Variants in C7orf78 observed in about 807,000 individuals in gnomAD.
The protein encoded by C7orf78 is chromosome 7 open reading frame 78.
chr7:12,538,416 G>A, the C7orf78 span: 4 of 152,154 alleles, frequency 2.6e-5, no homozygotes, highest in Admixed American at 2.6e-4. Context: ...AGGTGTTGGT[G>A]TCCAGAGGAG....
the C7orf78 span, among the ~76,000 whole-genome samples, chr7:12,529,270 T>C: frequency 6.6e-6 from 1 of 152,226 alleles, no homozygotes; most frequent in East Asian, 1.9e-4. Flanking sequence ...AATAAGTGTA[T>C]TCCAGTGGGA....
the C7orf78 span, among the ~76,000 whole-genome samples, chr7:12,527,699 T>C: frequency 3.5e-5 from 5 of 142,286 alleles, no homozygotes; most frequent in Admixed American, 1.4e-4. Context: ...GAAAATGCCA[T>C]CTAGCTGTGT....
the C7orf78 span, among the ~76,000 whole-genome samples, chr7:12,501,172 A>G: frequency 7.4e-6 from 1 of 134,730 alleles, no homozygotes; most frequent in Non-Finnish European, 1.6e-5. Flanking sequence ...AACTGGCACA[A>G]GACAGGGATG....
At chr7:12,488,608 C>G in the C7orf78 span, among the ~76,000 whole-genome samples, 1 of 151,910 alleles carries the variant, frequency 6.6e-6, no homozygotes, top group African/African-American at 2.4e-5. Flanking sequence ...TAGCCAACAG[C>G]CCATATGGCC....
the C7orf78 span, among the ~76,000 whole-genome samples, chr7:12,533,767 C>T: frequency 5.3e-5 from 8 of 152,202 alleles, no homozygotes; most frequent in South Asian, 2.1e-4. Flanking sequence ...CCACCTGTCT[C>T]GGCCTCCCAA....
the C7orf78 span, among the ~76,000 whole-genome samples, chr7:12,487,443 C>T: frequency 1.3e-5 from 2 of 152,056 alleles, no homozygotes; most frequent in South Asian, 2.1e-4. Context: ...CAGTGCCTGG[C>T]GTCTGATCTC....
the C7orf78 span, among the ~76,000 whole-genome samples, chr7:12,492,613 C>T: frequency 6.6e-6 from 1 of 152,176 alleles, no homozygotes; most frequent in Non-Finnish European, 1.5e-5. Context: ...TTTTTCAACT[C>T]TCAGGAGTAC....
chr7:12,539,680 A>T, the C7orf78 span, among the ~76,000 whole-genome samples: 60 of 152,294 alleles, frequency 3.9e-4, no homozygotes, highest in Non-Finnish European at 6.5e-4. Flanking sequence ...TCACTGAGAC[A>T]ATGAGTATTG....
At chr7:12,531,782 G>T in the C7orf78 span, among the ~76,000 whole-genome samples, 1 of 152,028 alleles carries the variant, frequency 6.6e-6, no homozygotes, top group Admixed American at 6.6e-5. Flanking sequence ...AAAGAATTCA[G>T]GACACAGACA....
the C7orf78 span, chr7:12,487,021 T>C: frequency 1.3e-5 from 2 of 151,988 alleles, no homozygotes; most frequent in Admixed American, 6.6e-5. Context: ...TTTGTGTATA[T>C]GGAGATCAAA....
chr7:12,523,013 T>C, the C7orf78 span: 1 of 398,152 alleles, frequency 2.5e-6, no homozygotes, highest in Non-Finnish European at 4.4e-6. Context: ...ATACCATGAG[T>C]CTCAGAGAGG....
the C7orf78 span, among the ~76,000 whole-genome samples, chr7:12,519,410 T>C: frequency 1.3e-5 from 2 of 152,168 alleles, no homozygotes; most frequent in Non-Finnish European, 2.9e-5. Flanking sequence ...CCATTCTCTA[T>C]ACATAAATCC....
the C7orf78 span, among the ~76,000 whole-genome samples, chr7:12,497,262 C>T: frequency 4.1e-4 from 62 of 152,228 alleles, no homozygotes; most frequent in African/African-American, 1.5e-3. Context: ...CTACAGCTCC[C>T]AGCCTGAGCG....
the C7orf78 span, among the ~76,000 whole-genome samples, chr7:12,504,066 C>T: frequency 1.3e-5 from 2 of 152,310 alleles, no homozygotes; most frequent in Admixed American, 6.5e-5. Context: ...AGTCAACCTT[C>T]TTAAGCCCAA....
At chr7:12,510,854 C>T in the C7orf78 span, among the ~76,000 whole-genome samples, 1 of 152,082 alleles carries the variant, frequency 6.6e-6, no homozygotes, top group African/African-American at 2.4e-5. Flanking sequence ...TATCCCATCA[C>T]TCTTGTTTAT....
At chr7:12,533,760 C>G in the C7orf78 span, among the ~76,000 whole-genome samples, 1 of 152,136 alleles carries the variant, frequency 6.6e-6, no homozygotes, top group Non-Finnish European at 1.5e-5. Flanking sequence ...TCGTGATCCA[C>G]CTGTCTCGGC....
At chr7:12,496,916 G>C in the C7orf78 span, among the ~76,000 whole-genome samples, 854 of 151,084 alleles carry the variant, frequency 5.7e-3, 12 homozygotes, top group African/African-American at 0.019. Context: ...CCTTAAAATT[G>C]AACATCAGGG....
chr7:12,511,588 C>T, the C7orf78 span, among the ~76,000 whole-genome samples: 17 of 152,080 alleles, frequency 1.1e-4, no homozygotes, highest in Non-Finnish European at 2.2e-4. Flanking sequence ...TCTTTCACCT[C>T]GTTAGCTCAA....
At chr7:12,509,848 G>A in the C7orf78 span, among the ~76,000 whole-genome samples, 1 of 152,084 alleles carries the variant, frequency 6.6e-6, no homozygotes, top group Non-Finnish European at 1.5e-5. Context: ...ACTTTGGGAG[G>A]CCAAGGCAGG....
Sources: gnomAD v4.1 joint callset for allele counts (sites outside exome capture counted in the v4.1 genomes callset) on GRCh38, gnomAD v4.1.1 for gene constraint, MANE v1.5 for transcripts, NCBI Gene and HGNC (gene_info 2026-07-23, HGNC 2026-07-21) for gene names.